SSH2: variants seen among roughly 807,000 people sequenced by gnomAD.
SSH2 encodes the protein slingshot protein phosphatase 2, also known as protein phosphatase Slingshot homolog 2.
In SSH2, 37 loss-of-function variants were observed where a neutral mutation model predicts 135.2. The ratio of observed to expected loss-of-function variants is 0.27; its 90% CI spans 0.21 to 0.36. The LOEUF is 0.36. Ranked by LOEUF, SSH2 falls within the 10% of genes least tolerant of loss-of-function variation. The pLI is 1.00. For synonymous variants in SSH2, 628 were observed against 646.2 expected (o/e 0.97, Z 0.43); for missense variants, 1,408 against 1,765.3 (o/e 0.80, Z 3.63).
At chr17:29,798,928 G>A (rs2151310816) in intron 2 of SSH2, among the ~76,000 whole-genome samples, 1 of 151,916 alleles carries the variant, frequency 6.6e-6, no homozygotes, top group Admixed American at 6.6e-5. Flanking sequence ...CTTGCCTATT[G>A]GGTCTACCTC....
At chr17:29,757,573 A>G (rs2041165914) in intron 3 of SSH2, among the ~76,000 whole-genome samples, 1 of 151,942 alleles carries the variant, frequency 6.6e-6, no homozygotes, top group South Asian at 2.1e-4. Flanking sequence ...AGAAGAAGTG[A>G]ATATTATAGC....
At chr17:29,707,196 C>A (rs2039241464) in intron 3 of SSH2, 1 of 151,808 alleles carries the variant, frequency 6.6e-6, no homozygotes, top group Non-Finnish European at 1.5e-5. Context: ...TTCAGCAATA[C>A]TGTTTTTTTA....
At chr17:29,768,379 A>G (rs374059030) in intron 3 of SSH2, among the ~76,000 whole-genome samples, 1 of 151,348 alleles carries the variant, frequency 6.6e-6, no homozygotes, top group African/African-American at 2.4e-5. Context: ...TGCACTCTTA[A>G]CCGCCTGGGC....
chr17:29,829,197 C>T (rs1023869258), intron 2 of SSH2, among the ~76,000 whole-genome samples: 1 of 152,170 alleles, frequency 6.6e-6, no homozygotes, highest in African/African-American at 2.4e-5. Context: ...AGGCCTTAGT[C>T]GAAGTGCTCT....
intron 1 of SSH2, among the ~76,000 whole-genome samples, chr17:29,879,224 C>T (rs892494801): frequency 4.6e-5 from 7 of 152,094 alleles, no homozygotes; most frequent in Admixed American, 1.3e-4. Flanking sequence ...TAAGTATTAT[C>T]ATTTCCATAT....
intron 6 of SSH2, among the ~76,000 whole-genome samples, chr17:29,679,477 G>A (rs967516850): frequency 2.6e-5 from 4 of 151,378 alleles, no homozygotes; most frequent in African/African-American, 7.3e-5. Context: ...GTGTGATATC[G>A]GCTCACTGCA....
chr17:29,678,717 T>TTTC (rs1555610358), intron 6 of SSH2, among the ~76,000 whole-genome samples: 5 of 141,812 alleles, frequency 3.5e-5, no homozygotes, highest in Non-Finnish European at 6.2e-5. Context: ...CTATTTCTTT[T>TTTC]TTTTTTTTTT....
At chr17:29,642,572 C>CG (rs2036207947) in intron 14 of SSH2, among the ~76,000 whole-genome samples, 1 of 151,806 alleles carries the variant, frequency 6.6e-6, no homozygotes, top group Non-Finnish European at 1.5e-5. Context: ...GACACCACCC[C>CG]CCCCACCGCC....
intron 12 of SSH2, among the ~76,000 whole-genome samples, chr17:29,651,177 A>G (rs1418150504): frequency 6.6e-6 from 1 of 152,242 alleles, no homozygotes; most frequent in Non-Finnish European, 1.5e-5. Flanking sequence ...TAAAATTGTC[A>G]GCAATACAAT....
At chr17:29,841,127 G>A (rs538305892) in intron 2 of SSH2, among the ~76,000 whole-genome samples, 49 of 152,272 alleles carry the variant, frequency 3.2e-4, no homozygotes, top group Admixed American at 1.6e-3. Context: ...GAGCAAGGAG[G>A]GATTGGCAAA....
chr17:29,924,405 C>T (rs2067028707), intron 1 of SSH2, among the ~76,000 whole-genome samples: 1 of 152,120 alleles, frequency 6.6e-6, no homozygotes, highest in Non-Finnish European at 1.5e-5. Context: ...TCTTAAATGT[C>T]AAAACTTTGG....
chr17:29,757,777 A>AGGGGTGG (rs1555628405), intron 3 of SSH2, among the ~76,000 whole-genome samples: 1 of 9,910 alleles, frequency 1.0e-4, no homozygotes, highest in Non-Finnish European at 1.9e-4. Flanking sequence ...ACCCAGTGGC[A>AGGGGTGG]GGGGTGGGGG....
chr17:29,918,211 G>C (rs772887069), intron 1 of SSH2, among the ~76,000 whole-genome samples: 13 of 152,178 alleles, frequency 8.5e-5, no homozygotes, highest in Non-Finnish European at 1.3e-4. Context: ...CAATCAAACA[G>C]TACTTTGATT....
At chr17:29,824,161 C>G (rs2042703910) in intron 2 of SSH2, among the ~76,000 whole-genome samples, 1 of 152,110 alleles carries the variant, frequency 6.6e-6, no homozygotes, top group Non-Finnish European at 1.5e-5. Flanking sequence ...ATTTTTCAGT[C>G]ACAAGTGGTA....
chr17:29,751,372 G>T (rs1317500163), intron 3 of SSH2, among the ~76,000 whole-genome samples: 2 of 151,776 alleles, frequency 1.3e-5, no homozygotes, highest in Non-Finnish European at 2.9e-5. Flanking sequence ...CTGAGATTGT[G>T]CAATTGCAAT....
chr17:29,682,722 A>G (rs1280023004), intron 6 of SSH2, among the ~76,000 whole-genome samples: 2 of 152,226 alleles, frequency 1.3e-5, no homozygotes, highest in African/African-American at 2.4e-5. Context: ...TGGCTACTAT[A>G]CTGGACAACA....
intron 3 of SSH2, chr17:29,716,786 CA>C: frequency 2.4e-6 from 1 of 420,920 alleles, no homozygotes; most frequent in Non-Finnish European, 4.5e-6. Flanking sequence ...CTTCCCTTGC[CA>C]GTCAATTTTT....
intron 4 of SSH2, among the ~76,000 whole-genome samples, chr17:29,695,839 C>T (rs950724805): frequency 6.6e-6 from 1 of 151,992 alleles, no homozygotes; most frequent in Non-Finnish European, 1.5e-5. Flanking sequence ...ATCTGTTAGG[C>T]AGAGGTAGCA....
intron 1 of SSH2, among the ~76,000 whole-genome samples, chr17:29,883,540 T>G (rs2066178231): frequency 6.6e-6 from 1 of 152,238 alleles, no homozygotes; most frequent in African/African-American, 2.4e-5. Flanking sequence ...TATCTATGCA[T>G]GATGAATTGA....
Sources: gnomAD v4.1 joint callset for allele counts (sites outside exome capture counted in the v4.1 genomes callset) on GRCh38, gnomAD v4.1.1 for gene constraint, MANE v1.5 for transcripts, NCBI Gene and HGNC (gene_info 2026-07-23, HGNC 2026-07-21) for gene names.